Variants in EYS observed in about 807,000 individuals in gnomAD.
EYS encodes the protein EGF-like photoreceptor maintenance factor, also known as protein eyes shut homolog.
A neutral mutation model predicts 282.1 loss-of-function variants in EYS; 250 were observed. That is an observed-to-expected ratio of 0.89 (90% confidence interval 0.80 to 0.98). The LOEUF is 0.98. Ranked by LOEUF, EYS falls within the 50% of genes least tolerant of loss-of-function variation. The probability of loss-of-function intolerance (pLI) is 0.00; values close to 1 mark genes in which losing one functional copy is unlikely to be tolerated. For synonymous variants in EYS, 1,355 were observed against 1,282.9 expected, an observed-to-expected ratio of 1.06 and a Z score of -1.20; for missense variants, 4,016 against 3,709.0, an observed-to-expected ratio of 1.08 and a Z score of -2.15.
At chr6:64,679,137 C>T (rs1201136973) in intron 22 of EYS, among the ~76,000 whole-genome samples, 2 of 152,166 alleles carry the variant, frequency 1.3e-5, no homozygotes, top group Non-Finnish European at 2.9e-5. Context: ...TCTACCCCAA[C>T]TTCACATCTT....
chr6:65,628,179 C>T lies in EYS; in HGVS notation c.-333+11599G>A, dbSNP rs192870794. 5.9e-3 allele frequency among the ~76,000 whole-genome samples: 904 copies of T among 152,174 alleles called. 9 individuals carry two copies. The highest frequency in any genetic ancestry group is 0.021 in the African/African-American group (858 of 41,526). On this transcript the variant is annotated intron_variant, in intron 2 of 42. Transcript: ENST00000503581. ...ATGTCTAGCTCAGGGATTGTAAATA[C>T]ACCAATCAGCACCCTGTGTTTAGCT...
At chr6:64,735,690 A>G (rs77670844) in intron 22 of EYS, among the ~76,000 whole-genome samples, 3,065 of 152,296 alleles carry the variant, frequency 0.02, 89 homozygotes, top group African/African-American at 0.068. Flanking sequence ...ATATCAAAAA[A>G]GAAATATTTA....
At chr6:64,362,339 CT>C (rs1207982904) in intron 29 of EYS, among the ~76,000 whole-genome samples, 10 of 151,876 alleles carry the variant, frequency 6.6e-5, no homozygotes, top group African/African-American at 2.4e-4. Flanking sequence ...GTTTAAAACA[CT>C]AGAGTATACT....
chr6:65,690,615 A>G (rs1016639787), intron 1 of EYS, among the ~76,000 whole-genome samples: 6 of 149,894 alleles, frequency 4.0e-5, no homozygotes, highest in Non-Finnish European at 8.9e-5. Context: ...GCAATTTTGT[A>G]TTTACAATAA....
intron 22 of EYS, among the ~76,000 whole-genome samples, chr6:64,759,134 A>C (rs1391356806): frequency 7.6e-6 from 1 of 131,528 alleles, no homozygotes; most frequent in Admixed American, 8.6e-5. Context: ...GCGAGACTCC[A>C]TCTCAAAAAA....
chr6:64,127,282 T>C (rs1160126387), intron 31 of EYS, among the ~76,000 whole-genome samples: 2 of 152,180 alleles, frequency 1.3e-5, no homozygotes, highest in East Asian at 3.8e-4. Context: ...CAGTATTGTA[T>C]GGGTATAATT....
At chr6:64,449,812 A>AT (rs1400592634) in intron 26 of EYS, among the ~76,000 whole-genome samples, 7 of 152,210 alleles carry the variant, frequency 4.6e-5, no homozygotes, top group Admixed American at 3.9e-4. Context: ...ATGCTGAGGG[A>AT]TTTTGTCACC....
intron 31 of EYS, among the ~76,000 whole-genome samples, chr6:64,221,805 A>T (rs1040806116): frequency 6.6e-6 from 1 of 152,060 alleles, no homozygotes; most frequent in African/African-American, 2.4e-5. Flanking sequence ...TTGATTGTTT[A>T]TGGTATCTGA....
chr6:65,553,689 T>A (rs3846802), intron 2 of EYS, among the ~76,000 whole-genome samples: 83,367 of 151,596 alleles, frequency 0.55, 22,940 homozygotes, highest in East Asian at 0.71. Flanking sequence ...CTAAAACACC[T>A]TAATAATCTT....
chr6:64,821,409 G>T (rs965366589), intron 21 of EYS, among the ~76,000 whole-genome samples: 1 of 151,814 alleles, frequency 6.6e-6, no homozygotes, highest in Non-Finnish European at 1.5e-5. Flanking sequence ...CGGGAGGGAG[G>T]AGAATCGTGG....
intron 12 of EYS, among the ~76,000 whole-genome samples, chr6:65,253,212 A>T (rs1490451483): frequency 1.3e-5 from 2 of 152,004 alleles, no homozygotes; most frequent in Non-Finnish European, 2.9e-5. Flanking sequence ...TGAGACATTT[A>T]TACTGTAGCT....
At chr6:65,079,042 G>GT (rs1774145114) in intron 12 of EYS, among the ~76,000 whole-genome samples, 1 of 151,818 alleles carries the variant, frequency 6.6e-6, no homozygotes, top group Non-Finnish European at 1.5e-5. Flanking sequence ...CTGCAGAACT[G>GT]TAAGACAATT....
intron 30 of EYS, among the ~76,000 whole-genome samples, chr6:64,273,706 T>C (rs1273265688): frequency 1.3e-5 from 2 of 152,166 alleles, no homozygotes; most frequent in Non-Finnish European, 2.9e-5. Flanking sequence ...CCTCTTAATC[T>C]AGCTGGGTAG....
At chr6:64,778,422 A>G (rs1433301888) in intron 22 of EYS, among the ~76,000 whole-genome samples, 1 of 152,202 alleles carries the variant, frequency 6.6e-6, no homozygotes, top group Non-Finnish European at 1.5e-5. Flanking sequence ...CATCAGGGTT[A>G]TGCAAACAAT....
chr6:64,891,225 T>G (rs9354187), intron 18 of EYS, among the ~76,000 whole-genome samples: 1 of 151,722 alleles, frequency 6.6e-6, no homozygotes, highest in Non-Finnish European at 1.5e-5. Flanking sequence ...ACAGAAAATA[T>G]TCAACTTATA....
intron 28 of EYS, among the ~76,000 whole-genome samples, chr6:64,417,671 C>CT (rs11414644): frequency 0.6 from 74,806 of 123,674 alleles, 22,947 homozygotes; most frequent in South Asian, 0.65. Flanking sequence ...TAAGGGTTGG[C>CT]TTTTTTTTTT....
chr6:65,262,268 T>G (rs1265667120), intron 12 of EYS, among the ~76,000 whole-genome samples: 3 of 152,112 alleles, frequency 2.0e-5, no homozygotes, highest in Non-Finnish European at 4.4e-5. Context: ...AATTTAATCA[T>G]AAATATTTTT....
chr6:65,644,178 G>T (rs778757262), intron 1 of EYS, among the ~76,000 whole-genome samples: 30 of 151,940 alleles, frequency 2.0e-4, no homozygotes, highest in Admixed American at 1.6e-3. Context: ...CATGATACAG[G>T]TTATTAAAGA....
intron 31 of EYS, among the ~76,000 whole-genome samples, chr6:64,169,843 C>A (rs1181669270): frequency 6.6e-6 from 1 of 151,980 alleles, no homozygotes; most frequent in Non-Finnish European, 1.5e-5. Flanking sequence ...TGGAAGGTAA[C>A]CTGCACAGGA....
Sources: gnomAD v4.1 joint callset for allele counts (sites outside exome capture counted in the v4.1 genomes callset) on GRCh38, gnomAD v4.1.1 for gene constraint, MANE v1.5 for transcripts, NCBI Gene and HGNC (gene_info 2026-07-23, HGNC 2026-07-21) for gene names.